TAB1: variants seen among roughly 807,000 people sequenced by gnomAD.
TAB1 encodes the protein TGF-beta activated kinase 1 (MAP3K7) binding protein 1.
A neutral mutation model predicts 54.5 loss-of-function variants in TAB1; 30 were observed. The ratio of observed to expected loss-of-function variants is 0.55; its 90% CI spans 0.41 to 0.75. TAB1 has a LOEUF of 0.75. TAB1 is among the 30% of genes least tolerant of loss of function. TAB1 has a pLI of 0.00. For missense variants in TAB1, 609 were observed against 683.2 expected (o/e 0.89, Z 1.21); for synonymous variants, 289 against 286.9 (o/e 1.01, Z -0.07).
downstream of TAB1, among the ~76,000 whole-genome samples, chr22:39,435,016 C>T (rs573047446): frequency 6.6e-6 from 1 of 152,114 alleles, no homozygotes; most frequent in Admixed American, 6.5e-5. Context: ...TCAGGGCCAG[C>T]CCCTGGGATG....
At chr22:39,427,052 T>A in intron 9 of TAB1, 127 bp downstream of exon 9, 1 of 915,888 alleles carries the variant, frequency 1.1e-6, no homozygotes, top group Non-Finnish European at 1.6e-6. Context: ...TGGCTCTAAT[T>A]CAGGTTCTCT....
chr22:39,405,942 C>T lies in TAB1; in HGVS notation c.33+6107C>T, dbSNP rs368577796. 6.6e-5 allele frequency among the ~76,000 whole-genome samples: 10 copies of T among 152,210 alleles called. No individual in the cohort carries two copies. The East Asian group carries it at 1.7e-3, about 26-fold the overall frequency. On this transcript the variant is annotated intron_variant, in intron 1 of 10. Coordinates refer to ENST00000216160, the MANE Select transcript of TAB1 (RefSeq NM_006116.3). ...GCGAGCGCCCGAATTACGTGAGAAA[C>T]TGCCCATGTGTCATTGGATCTAAGA...
At position 39,408,807 on chromosome 22, in the gene TAB1, G is replaced by A. The variant is rs1334442695; in HGVS notation, c.34-6199G>A. 2.6e-5 allele frequency among the ~76,000 whole-genome samples: 4 copies of A among 152,204 alleles called. No homozygotes were observed. The East Asian group carries it at 5.8e-4, about 22-fold the overall frequency. On this transcript the variant is annotated intron_variant, in intron 1 of 10. Coordinates refer to ENST00000216160, the MANE Select transcript of TAB1 (RefSeq NM_006116.3). ...TGATCCACCGTGCCTGGCCTCACTGGCCTTTTTTAATAGTGTATGTCTAAT... is the reference window on the plus strand; with the variant it reads ...TGATCCACCGTGCCTGGCCTCACTGACCTTTTTTAATAGTGTATGTCTAAT...
In TAB1 at chr22:39,429,401, G is replaced by T. The variant is rs1313702247; in HGVS notation, c.1308-614G>T. The T allele has an allele frequency of 3.1e-6, 3 of 980,350 alleles. No homozygotes were observed. In the African/African-American group the frequency reaches 5.3e-5, roughly 17 times the overall value. 60.7% of individuals were successfully genotyped at this position (980,350 alleles called of 1,614,324 possible). On this transcript the variant is annotated intron_variant, in intron 10 of 10. Coordinates refer to ENST00000216160, the MANE Select transcript of TAB1 (RefSeq NM_006116.3). ...CGAGGAACTTCCTGTGATGACGGGA[G>T]TGCTCGCGTGGGTGCTGTCCTGTCA...
chr22:39,436,452 T>G, downstream of TAB1: 2 of 1,543,888 alleles, frequency 1.3e-6, no homozygotes, highest in Middle Eastern at 1.7e-4. Context: ...ACTCTGGACT[T>G]TTCTTCATGT....
chr22:39,417,728 G>A lies in TAB1; in HGVS notation c.429G>A (p.Gln143=). 6.2e-7 allele frequency: 1 copy of A among 1,610,938 alleles called. No individual in the cohort carries two copies. Among genetic ancestry groups the A allele is most frequent in the Non-Finnish European group, 8.5e-7 (1 of 1,178,422 alleles). ...GGTTGTAGGGAGTCCCTCAGCACCA[G>A]CTGCCTCCTCAGTATCAGAAGATCC... ...SQLPEGVPQH[Q]LPPQYQKILE... The change falls in exon 5 of 11, where the codon CAG becomes CAA. Residue 143 remains glutamine, a synonymous_variant. Transcript: ENST00000216160.
downstream of TAB1, among the ~76,000 whole-genome samples, chr22:39,435,617 G>C (rs532820148): frequency 1.3e-5 from 2 of 152,318 alleles, no homozygotes; most frequent in South Asian, 4.1e-4. Context: ...CTTTCTAAGC[G>C]TGCGTGCTGT....
downstream of TAB1, chr22:39,436,400 G>A: frequency 9.3e-7 from 1 of 1,075,638 alleles, no homozygotes; most frequent in Non-Finnish European, 1.4e-6. Flanking sequence ...CCTCAGAGAG[G>A]TTTAGAAAGT....
chr22:39,419,282 C>G (rs923537278), intron 6 of TAB1, among the ~76,000 whole-genome samples: 3 of 152,180 alleles, frequency 2.0e-5, no homozygotes, highest in Non-Finnish European at 4.4e-5. Context: ...AGGCAAGCTG[C>G]TCCGTGCCAG....
At chr22:39,432,889 T>C (rs1854033868), downstream of TAB1, 2 of 985,284 alleles carry the variant, frequency 2.0e-6, no homozygotes, top group Non-Finnish European at 1.2e-6. Flanking sequence ...CTGTTTCATC[T>C]AAGAGGGGAA....
In TAB1 at chr22:39,428,066, C is replaced by T. The variant is rs1249956927; in HGVS notation, c.1190C>T (p.Ala397Val). ...CCTGTGTCTGTGCCATACTCCAGCGCCCAGAGCACCAGCAAGACCAGCGTG... is the reference window on the plus strand; with the variant it reads ...CCTGTGTCTGTGCCATACTCCAGCGTCCAGAGCACCAGCAAGACCAGCGTG... The part of the protein sequence containing the change: ...VYPVSVPYSS[A>V]QSTSKTSVTL... The change falls in exon 10 of 11, where the codon GCC becomes GTC. Residue 397 changes from alanine (A) to valine (V), a missense_variant. Physicochemically the swap from Ala to Val is moderately conservative, Grantham distance 64 (BLOSUM62 0). Transcript: ENST00000216160. 1 of 1,613,610 alleles carries T rather than the reference C, an allele frequency of 6.2e-7. No homozygotes were observed. Among genetic ancestry groups the T allele is most frequent in the Admixed American group, 1.7e-5 (1 of 60,006 alleles).
chr22:39,406,258 G>C (rs1926357997), intron 1 of TAB1, among the ~76,000 whole-genome samples: 1 of 152,080 alleles, frequency 6.6e-6, no homozygotes. Flanking sequence ...AATTAGCCGG[G>C]CATGGTGGCA....
At chr22:39,411,896 G>A (rs1442815474) in intron 1 of TAB1, among the ~76,000 whole-genome samples, 1 of 152,098 alleles carries the variant, frequency 6.6e-6, no homozygotes, top group Non-Finnish European at 1.5e-5. Context: ...CTCTATGAAA[G>A]AGAGAGAGAG....
At position 39,401,372 on chromosome 22, in the gene TAB1, T is replaced by A. The variant is rs563991721; in HGVS notation, c.33+1537T>A. ...TTACTGCTGGGCACGTCTGTCTTGT[T>A]ACCGAGTTGGCATTGATTTTAGACG... On this transcript the variant is annotated intron_variant, in intron 1 of 10. Transcript: ENST00000216160. Among the ~76,000 whole-genome samples the A allele has an allele frequency of 1.1e-4, 16 of 152,350 alleles. No individual in the cohort carries two copies. In the South Asian group the frequency reaches 2.5e-3, roughly 24 times the overall value.
intron 8 of TAB1, among the ~76,000 whole-genome samples, chr22:39,424,410 C>G (rs1197373354): frequency 6.7e-6 from 1 of 149,496 alleles, no homozygotes; most frequent in Non-Finnish European, 1.5e-5. Flanking sequence ...AAGTGCCTAA[C>G]TATCCCCTGT....
At position 39,424,014 on chromosome 22, in the gene TAB1, G is replaced by A. The variant is rs528234776; in HGVS notation, c.921+2043G>A. 4.0e-4 allele frequency among the ~76,000 whole-genome samples: 61 copies of A among 152,126 alleles called. 2 individuals carry two copies. The South Asian group carries it at 0.012, about 30-fold the overall frequency. On this transcript the variant is annotated intron_variant, in intron 8 of 10. Transcript: ENST00000216160. ...TCCCTAGCACCACTGCCATCCTCCCGCCTTGAGTCTCTAAAGTTCCATTAT... is the reference window on the plus strand; with the variant it reads ...TCCCTAGCACCACTGCCATCCTCCCACCTTGAGTCTCTAAAGTTCCATTAT...
At chr22:39,429,194 C>T in intron 10 of TAB1, 10 of 985,454 alleles carry the variant, frequency 1.0e-5, no homozygotes, top group Non-Finnish European at 1.2e-5. Context: ...CGCTAACAGG[C>T]AGTTCCAGCT....
At position 39,421,948 on chromosome 22, in the gene TAB1, C is replaced by T; in HGVS notation, c.898C>T (p.His300Tyr). The T allele has an allele frequency of 6.3e-7, 1 of 1,590,078 alleles. No homozygotes were observed. The highest frequency in any genetic ancestry group is 8.6e-7 in the Non-Finnish European group (1 of 1,169,584). ...EGLYKALEAAHGPGQANQEIA... is the reference protein window; with the variant it reads ...EGLYKALEAAYGPGQANQEIA... Reference sequence around the variant, plus strand: ...GTTGTACAAGGCCCTAGAGGCAGCCCATGGGCCTGGGCAGGCCAACCAGGT... The same window carrying T: ...GTTGTACAAGGCCCTAGAGGCAGCCTATGGGCCTGGGCAGGCCAACCAGGT... Residue 300 changes from histidine to tyrosine, a missense_variant, in exon 8 of 11, where the codon CAT (histidine) becomes TAT (tyrosine). His to Tyr is a moderately conservative substitution (Grantham distance 83). Transcript: ENST00000216160.
At chr22:39,408,565 C>G (rs375293267) in intron 1 of TAB1, among the ~76,000 whole-genome samples, 36 of 152,048 alleles carry the variant, frequency 2.4e-4, no homozygotes, top group East Asian at 1.4e-3. Context: ...GTGGCGTGTG[C>G]GATCTCGGCT....
Sources: gnomAD v4.1 joint callset for allele counts (sites outside exome capture counted in the v4.1 genomes callset) on GRCh38, gnomAD v4.1.1 for gene constraint, MANE v1.5 for transcripts, NCBI Gene and HGNC (gene_info 2026-07-23, HGNC 2026-07-21) for gene names.